SLC5A6: variants seen among roughly 807,000 people sequenced by gnomAD.
The protein encoded by SLC5A6 is solute carrier family 5 member 6, also known as sodium-dependent multivitamin transporter.
A neutral mutation model predicts 67.9 loss-of-function variants in SLC5A6; 31 were observed. That is an observed-to-expected ratio of 0.46 (90% CI 0.34 to 0.62). SLC5A6 has a LOEUF of 0.62. Ranked by LOEUF, SLC5A6 falls within the 20% of genes least tolerant of loss-of-function variation. The probability of loss-of-function intolerance (pLI) is 0.01; values close to 1 mark genes in which losing one functional copy is unlikely to be tolerated. For synonymous variants in SLC5A6, 343 were observed against 331.0 expected (o/e 1.04, Z -0.39); for missense variants, 673 against 812.8 (o/e 0.83, Z 2.09).
At position 27,207,542 on chromosome 2, in the gene SLC5A6, C is replaced by T; in HGVS notation, c.109G>A (p.Val37Ile). The T allele has an allele frequency of 2.5e-6, 4 of 1,614,248 alleles. No individual in the cohort carries two copies. The highest frequency in any genetic ancestry group is 3.4e-6 in the Non-Finnish European group (4 of 1,180,056). The part of the protein sequence containing the change: ...MDYVVFVLLL[V>I]LSLAIGLYHA... ...TAGAGCCCAATGGCAAGAGAGAGAA[C>T]CAGCAGCAGGACGAACACCACATAG... The change falls in exon 3 of 17, where the codon GTT becomes ATT. Residue 37 changes from valine to isoleucine, a missense_variant. By Grantham distance (29) the Val-to-Ile change is conservative. Transcript: ENST00000310574. The surrounding 1 kb of genome is among the most constrained non-coding windows in gnomAD (Gnocchi z 5.5).
upstream of SLC5A6, chr2:27,212,393 C>G (rs185160026): frequency 1.9e-5 from 30 of 1,550,952 alleles, no homozygotes; most frequent in Non-Finnish European, 2.5e-5. Flanking sequence ...CCCGGGTAGT[C>G]TTACGACCCT....
At position 27,203,241 on chromosome 2, in the gene SLC5A6, C is replaced by G. The variant is rs370950187; in HGVS notation, c.1199G>C (p.Arg400Thr). 14 of 1,614,210 alleles carry G rather than the reference C, an allele frequency of 8.7e-6. No homozygotes were observed. The highest frequency in any genetic ancestry group is 1.2e-5 in the Non-Finnish European group (14 of 1,180,036). The change falls in exon 11 of 17, where the codon AGA (arginine) becomes ACA (threonine). Residue 400 changes from arginine (R) to threonine (T), a missense_variant. Coordinates refer to ENST00000310574, the MANE Select transcript of SLC5A6 (RefSeq NM_021095.4). ...FSEARAIMLS[R>T]GLAFGYGLLC... ...AGGAAGCATAACCCCACCAAGGCCT[C>G]TGGAAAGCATGATGGCCCGGGCTTC...
At chr2:27,205,847 C>A (rs1348806353) in intron 6 of SLC5A6, among the ~76,000 whole-genome samples, 179 bp downstream of exon 6, 3 of 152,152 alleles carry the variant, frequency 2.0e-5, no homozygotes, top group Admixed American at 2.0e-4. Context: ...ATTCCCATCC[C>A]ATCCTCTACC....
chr2:27,207,872 A>ATGC lies in SLC5A6; in HGVS notation c.-140-83_-140-82insGCA. 2 of 578,334 alleles carry ATGC rather than the reference A, an allele frequency of 3.5e-6. No individual in the cohort carries two copies. The highest frequency in any genetic ancestry group is 2.8e-5 in the East Asian group (1 of 35,468). 35.8% of individuals were successfully genotyped at this position (578,334 alleles called of 1,614,324 possible). ...TGGGCCTTGTACATCGCATGCCATC[A>ATGC]GAAGTGGACCAGCCAGCATAGTGGT... On this transcript the variant is annotated intron_variant, in intron 2 of 16. Coordinates refer to ENST00000310574, the MANE Select transcript of SLC5A6 (RefSeq NM_021095.4). This position sits in a 1 kb window ranked among gnomAD's most constrained non-coding sequence, Gnocchi z 5.5.
chr2:27,206,195 C>T, intron 5 of SLC5A6, 102 bp from the exon 6 acceptor site: 2 of 979,446 alleles, frequency 2.0e-6, no homozygotes, highest in Non-Finnish European at 3.2e-6. Context: ...AAGCATTGGT[C>T]ATTAACAATG....
Position 27,201,454 on chromosome 2 carries a change from C to G in SLC5A6, c.1545-1G>C. 1 of 1,600,370 alleles carries G rather than the reference C, an allele frequency of 6.2e-7. No individual in the cohort carries two copies. Among genetic ancestry groups the G allele is most frequent in the Non-Finnish European group, 8.6e-7 (1 of 1,167,472 alleles). ...ATAGAACCGCTGCAGCCCTGTGGGC[C>G]TGGGAAGAGCAGAGGTGAGAACAAT... On this transcript the variant is annotated splice_acceptor_variant, in intron 14 of 16. Coordinates refer to ENST00000310574, the MANE Select transcript of SLC5A6 (RefSeq NM_021095.4). LOFTEE classifies it high-confidence loss of function.
At chr2:27,206,263 T>G (rs149037192) in intron 5 of SLC5A6, 170 bp from the exon 6 acceptor site, 3 of 708,438 alleles carry the variant, frequency 4.2e-6, no homozygotes, top group South Asian at 1.8e-5. Context: ...CAAAAGATAT[T>G]GACTAACCAG....
intron 2 of SLC5A6, among the ~76,000 whole-genome samples, chr2:27,208,241 G>A (rs1299083566): frequency 2.0e-5 from 3 of 152,118 alleles, no homozygotes; most frequent in African/African-American, 7.2e-5. Flanking sequence ...CCTGGCCTCG[G>A]CCCTCGCCTC....
chr2:27,211,872 G>A (rs1363876215), intron 1 of SLC5A6, 148 bp downstream of exon 1: 2 of 226,432 alleles, frequency 8.8e-6, no homozygotes, highest in Admixed American at 6.2e-5. Flanking sequence ...GGTGCCTCTC[G>A]GCACCGGCTC....
At position 27,203,334 on chromosome 2, in the gene SLC5A6, G is replaced by A. The variant is rs967294536; in HGVS notation, c.1106C>T (p.Ser369Phe). The change falls in exon 11 of 17, where the codon TCT becomes TTT. Residue 369 changes from serine (S) to phenylalanine (F), a missense_variant. Ser to Phe is a radical substitution (Grantham distance 155). Transcript: ENST00000310574. ...LFSGSLSTIS[S>F]AFNSLATVTM... ...AACAGTTGCCAATGAATTAAAAGCA[G>A]AGGATATAGTGCTGAAAAAGAGGAA... 1.3e-5 allele frequency: 21 copies of A among 1,614,190 alleles called. No individual in the cohort carries two copies. The highest frequency in any genetic ancestry group is 1.8e-5 in the Non-Finnish European group (21 of 1,180,036).
Position 27,207,015 on chromosome 2 carries a change from C to G in SLC5A6, c.394-73G>C. 7.5e-7 allele frequency: 1 copy of G among 1,338,136 alleles called. No individual in the cohort carries two copies. Among genetic ancestry groups the G allele is most frequent in the South Asian group, 1.2e-5 (1 of 85,260 alleles). 82.9% of individuals were successfully genotyped at this position (1,338,136 alleles called of 1,614,324 possible). A position where few individuals can be genotyped will look rare whatever the true frequency, so the allele number is the denominator to read the frequency against. On this transcript the variant is annotated intron_variant, in intron 3 of 16. Transcript: ENST00000310574. The surrounding 1 kb of genome is among the most constrained non-coding windows in gnomAD (Gnocchi z 5.5). Reference sequence around the variant, plus strand: ...CTCACAGACAAATTCCCTCAAGATGCTCAGGAACATGAGGGAATATCCAAC... The same window carrying G: ...CTCACAGACAAATTCCCTCAAGATGGTCAGGAACATGAGGGAATATCCAAC...
chr2:27,202,531 C>T (rs1673734187), intron 12 of SLC5A6, among the ~76,000 whole-genome samples: 1 of 98,532 alleles, frequency 1.0e-5, no homozygotes, highest in Non-Finnish European at 2.2e-5. Context: ...AAAAAGAACT[C>T]CAGAGGGCAG....
Position 27,212,037 on chromosome 2 carries a change from G to T in SLC5A6, c.-225C>A, listed in dbSNP as rs1342095584. On this transcript the variant is annotated 5_prime_UTR_variant, in exon 1 of 17. Transcript: ENST00000310574. Reference sequence around the variant, plus strand: ...ATGTTTACTGAGGGCGGATGGAGGGGCCCGAGTTTCTGCGAAGCCGCGACC... The same window carrying T: ...ATGTTTACTGAGGGCGGATGGAGGGTCCCGAGTTTCTGCGAAGCCGCGACC... 2.3e-6 allele frequency: 2 copies of T among 871,204 alleles called. No homozygotes were observed. Among genetic ancestry groups the T allele is most frequent in the Non-Finnish European group, 3.4e-6 (2 of 592,590 alleles). 54.0% of individuals were successfully genotyped at this position (871,204 alleles called of 1,614,324 possible). A position where few individuals can be genotyped will look rare whatever the true frequency, so the allele number is the denominator to read the frequency against.
intron 5 of SLC5A6, 125 bp downstream of exon 5, chr2:27,206,358 A>G: frequency 1.4e-5 from 13 of 907,140 alleles, no homozygotes; most frequent in Non-Finnish European, 2.1e-5. Flanking sequence ...CCAAGGGCCC[A>G]AGCGGTGAAT....
rs201844934 is a variant in SLC5A6 at position 27,206,849 on chromosome 2, G to A, written c.459+28C>T. On this transcript the variant is annotated intron_variant, in intron 4 of 16. Transcript: ENST00000310574. ...GTTCAGGTCCCCCAACATGCCCTAG[G>A]CTCGGTTTCTATCCTCATTCTGCTT... 2.2e-4 allele frequency: 341 copies of A among 1,571,762 alleles called. 1 individual carries two copies. The African/African-American group carries it at 4.1e-3, about 19-fold the overall frequency.
rs1175035817 is a variant in SLC5A6 at position 27,204,594 on chromosome 2, C to T, written c.876-4G>A. On this transcript the variant is annotated splice_region_variant and splice_polypyrimidine_tract_variant and intron_variant, in intron 8 of 16. Coordinates refer to ENST00000310574, the MANE Select transcript of SLC5A6 (RefSeq NM_021095.4). Reference sequence around the variant, plus strand: ...GGGGAACACTGCATAACAGGAGCTGCAAAAGAGGTCAGTGCCAGGAGGAGA... The same window carrying T: ...GGGGAACACTGCATAACAGGAGCTGTAAAAGAGGTCAGTGCCAGGAGGAGA... The T allele has an allele frequency of 1.9e-6, 3 of 1,613,674 alleles. No individual in the cohort carries two copies. The highest frequency in any genetic ancestry group is 2.5e-6 in the Non-Finnish European group (3 of 1,179,800).
Position 27,207,044 on chromosome 2 carries a change from TACCC to T in SLC5A6, c.394-106_394-103del. 9.0e-7 allele frequency: 1 copy of T among 1,111,856 alleles called. No individual in the cohort carries two copies. Among genetic ancestry groups the T allele is most frequent in the South Asian group, 1.3e-5 (1 of 79,930 alleles). The allele number at this position is 1,111,856 out of a possible 1,614,324, so 68.9% of individuals were successfully genotyped here. ...GGAACATGAGGGAATATCCAACCCA[TACCC>T]ACTCTGAGTCCTACTCGGCATAGCA... is the stretch of plus-strand genomic sequence containing the variant. On this transcript the variant is annotated intron_variant, in intron 3 of 16. Transcript: ENST00000310574. This position sits in a 1 kb window ranked among gnomAD's most constrained non-coding sequence, Gnocchi z 5.5.
chr2:27,206,992 CACAG>C (rs750191526), intron 3 of SLC5A6, 50 bp from the exon 4 acceptor site: 12 of 1,461,282 alleles, frequency 8.2e-6, no homozygotes, highest in South Asian at 1.1e-5. Context: ...CCCGACAACT[CACAG>C]ACAAATTCCC....
At chr2:27,201,892 G>A (rs1223473757) in intron 13 of SLC5A6, 45 bp from the exon 14 acceptor site, 1 of 1,610,064 alleles carries the variant, frequency 6.2e-7, no homozygotes, top group Non-Finnish European at 8.5e-7. Context: ...AGTCCTGCCA[G>A]CCCTCACGGC....
Sources: gnomAD v4.1 joint callset for allele counts (sites outside exome capture counted in the v4.1 genomes callset) on GRCh38, gnomAD v4.1.1 for gene constraint, Gnocchi (gnomAD v3.1) non-coding constraint, MANE v1.5 for transcripts, NCBI Gene and HGNC (gene_info 2026-07-23, HGNC 2026-07-21) for gene names.